The following DHCR24 variants were observed in gnomAD, a reference collection of about 807,000 sequenced individuals.
The protein encoded by DHCR24 is 24-dehydrocholesterol reductase.
Under a neutral mutation model 61.2 loss-of-function variants are expected in DHCR24, and 28 were observed. The ratio of observed to expected loss-of-function variants is 0.46; its 90% CI spans 0.34 to 0.63. DHCR24 has a LOEUF of 0.63. Among genes scored for constraint, DHCR24 ranks in the 20% least tolerant of loss-of-function variants. DHCR24 has a pLI of 0.01. For synonymous variants in DHCR24, 261 were observed against 275.9 expected (o/e 0.95, Z 0.54); for missense variants, 538 against 679.1 (o/e 0.79, Z 2.31).
chr1:54,886,862 G>T, intron 1 of DHCR24, 27 bp downstream of exon 1: 1 of 1,608,286 alleles, frequency 6.2e-7, no homozygotes, highest in Non-Finnish European at 8.5e-7. Flanking sequence ...CCGGCCCTGA[G>T]TCCCGGCCGC....
intron 5 of DHCR24, among the ~76,000 whole-genome samples, chr1:54,867,723 G>A (rs1182576855): frequency 6.6e-6 from 1 of 152,144 alleles, no homozygotes; most frequent in East Asian, 1.9e-4. Flanking sequence ...CAGCTGGAAA[G>A]CTCTGGTCTA....
intron 2 of DHCR24, among the ~76,000 whole-genome samples, chr1:54,880,779 T>TAAACAAACAAACAAACAAAC (rs34524631): frequency 1.3e-5 from 2 of 150,364 alleles, no homozygotes; most frequent in African/African-American, 4.9e-5. Flanking sequence ...AACAAAAATA[T>TAAACAAACAAACAAACAAAC]AAACAAACAA....
intron 6 of DHCR24, 97 bp from the exon 7 acceptor site, chr1:54,854,331 G>A: frequency 9.4e-7 from 1 of 1,064,572 alleles, no homozygotes; most frequent in African/African-American, 1.6e-5. Context: ...TTCTGTGCTT[G>A]ACAGAAGCAC....
intron 5 of DHCR24, among the ~76,000 whole-genome samples, chr1:54,870,442 G>A (rs534760877): frequency 6.6e-6 from 1 of 152,192 alleles, no homozygotes; most frequent in African/African-American, 2.4e-5. Flanking sequence ...CAGTATCCAT[G>A]GGGGATTTGT....
Position 54,879,352 on chromosome 1 carries a change from A to AAAAG in DHCR24, c.388-3306_388-3305insCTTT, listed in dbSNP as rs573285056. Among the ~76,000 whole-genome samples the AAAAG allele has an allele frequency of 2.0e-3, 259 of 128,192 alleles. 24 individuals are homozygous for AAAAG. Among genetic ancestry groups the AAAAG allele is most frequent in the African/African-American group, 7.3e-3 (235 of 32,260 alleles). 84.1% of individuals were successfully genotyped at this position (128,192 alleles called of 152,430 possible). On this transcript the variant is annotated intron_variant, in intron 2 of 8. Coordinates refer to ENST00000371269, the MANE Select transcript of DHCR24 (RefSeq NM_014762.4). Reference sequence around the variant, plus strand: ...AAAAAAAAAAAAAAAAAAAAAAAAAATCCAAATCAAACTTCTGGAAATGAA... The same window carrying AAAAG: ...AAAAAAAAAAAAAAAAAAAAAAAAAAAAAGTCCAAATCAAACTTCTGGAAATGAA...
chr1:54,863,846 C>T (rs72903513), intron 6 of DHCR24, among the ~76,000 whole-genome samples: 15,717 of 152,132 alleles, frequency 0.1, 1,075 homozygotes, highest in East Asian at 0.2. Flanking sequence ...ACTCTTACAT[C>T]TCAACAACAA....
chr1:54,853,302 G>T, intron 8 of DHCR24, 132 bp downstream of exon 8: 1 of 1,187,026 alleles, frequency 8.4e-7, no homozygotes, highest in Non-Finnish European at 1.2e-6. Context: ...GGCTGCCACA[G>T]CTGCAGGGGC....
chr1:54,852,718 C>T (rs1646883481), intron 8 of DHCR24, among the ~76,000 whole-genome samples: 1 of 152,110 alleles, frequency 6.6e-6, no homozygotes, highest in African/African-American at 2.4e-5. Context: ...CTGTTATTGA[C>T]TTTCAATAAA....
intron 8 of DHCR24, among the ~76,000 whole-genome samples, chr1:54,853,149 G>A (rs529037121): frequency 6.6e-6 from 1 of 151,538 alleles, no homozygotes; most frequent in East Asian, 2.0e-4. Flanking sequence ...GTGGGGAGGA[G>A]TGGGGTGACT....
intron 7 of DHCR24, 78 bp downstream of exon 7, chr1:54,853,959 G>T: frequency 6.9e-7 from 1 of 1,441,084 alleles, no homozygotes; most frequent in Non-Finnish European, 9.5e-7. Flanking sequence ...CCCAAGGTCG[G>T]TCACACGGTT....
intron 6 of DHCR24, among the ~76,000 whole-genome samples, chr1:54,856,658 T>G (rs1646909222): frequency 6.6e-6 from 1 of 152,214 alleles, no homozygotes; most frequent in Non-Finnish European, 1.5e-5. Flanking sequence ...GTGTCATAAT[T>G]TATTTAATCA....
intron 1 of DHCR24, among the ~76,000 whole-genome samples, chr1:54,886,010 C>T (rs1647092688): frequency 6.6e-6 from 1 of 152,214 alleles, no homozygotes; most frequent in Non-Finnish European, 1.5e-5. Flanking sequence ...CATCTTCATG[C>T]TCTTGCCTGA....
chr1:54,876,813 T>C (rs685004), intron 2 of DHCR24, among the ~76,000 whole-genome samples: 73,284 of 151,562 alleles, frequency 0.48, 19,258 homozygotes, highest in South Asian at 0.69. Context: ...GAAAGTTTAT[T>C]TTGCCAAGAT....
Position 54,879,873 on chromosome 1 carries a change from A to G in DHCR24, c.387+3745T>C, listed in dbSNP as rs145779684. 8.0e-3 allele frequency among the ~76,000 whole-genome samples: 1,219 copies of G among 152,290 alleles called. 8 individuals are homozygous for G. The highest frequency in any genetic ancestry group is 0.034 in the Middle Eastern group (10 of 294). Reference sequence around the variant, plus strand: ...TAAAACAGTGCTTAGGGGAAAATTTATAGCACTAAACATTTATATTAGAAA... The same window carrying G: ...TAAAACAGTGCTTAGGGGAAAATTTGTAGCACTAAACATTTATATTAGAAA... On this transcript the variant is annotated intron_variant, in intron 2 of 8. Coordinates refer to ENST00000371269, the MANE Select transcript of DHCR24 (RefSeq NM_014762.4).
rs7374 is a variant in DHCR24, at chr1:54,850,649, A to G, written c.*1584T>C. 0.39 allele frequency: 59,871 copies of G among 152,080 alleles called. 13,193 individuals carry two copies. The highest frequency in any genetic ancestry group is 0.59 in the East Asian group (3,052 of 5,168). The allele number at this position is 152,080 out of a possible 1,614,324, so 9.4% of individuals were successfully genotyped here. On this transcript the variant is annotated 3_prime_UTR_variant, in exon 9 of 9. Coordinates refer to ENST00000371269, the MANE Select transcript of DHCR24 (RefSeq NM_014762.4). ...CTTTCTGGAAATGAGATGGGAGCTG[A>G]CCTTGGGGTTGAAGGAAGGATCTTG...
At chr1:54,863,085 A>G (rs1646947866) in intron 6 of DHCR24, among the ~76,000 whole-genome samples, 1 of 128,838 alleles carries the variant, frequency 7.8e-6, no homozygotes. Context: ...AAAAAAAAAA[A>G]AAAAAAAAAA....
chr1:54,852,238 G>A lies in DHCR24; in HGVS notation c.1546C>T (p.His516Tyr), dbSNP rs752030219. 6.2e-7 allele frequency: 1 copy of A among 1,614,212 alleles called. No individual in the cohort carries two copies. The highest frequency in any genetic ancestry group is 8.5e-7 in the Non-Finnish European group (1 of 1,180,040). The change falls in exon 9 of 9, where the codon CAC becomes TAC. Residue 516 changes from histidine (H) to tyrosine (Y), a missense_variant. Transcript: ENST00000371269. ...CTCTCCAGGCGGGCTCCAGCTCAGT[G>A]CCTGGCGGCCTTGCAGATCTTGTCG... ...VYDKICKAAR[H>Y]
chr1:54,886,648 T>G, intron 1 of DHCR24: 4 of 1,462,132 alleles, frequency 2.7e-6, no homozygotes, highest in East Asian at 3.1e-5. Context: ...CCTCTTCCCC[T>G]TCTTCATCTC....
Position 54,851,961 on chromosome 1 carries a change from C to T in DHCR24, c.*272G>A. On this transcript the variant is annotated 3_prime_UTR_variant, in exon 9 of 9. Transcript: ENST00000371269. Reference sequence around the variant, plus strand: ...TTCAACTAATGAAGAGACCCGGGCTCAGAGGGGTTAAGGGACTCACCCAGA... The same window carrying T: ...TTCAACTAATGAAGAGACCCGGGCTTAGAGGGGTTAAGGGACTCACCCAGA... 4 of 520,640 alleles carry T rather than the reference C, an allele frequency of 7.7e-6. No individual in the cohort carries two copies. Among genetic ancestry groups the T allele is most frequent in the South Asian group, 6.4e-5 (3 of 47,144 alleles). 32.3% of individuals were successfully genotyped at this position (520,640 alleles called of 1,614,324 possible).
Sources: gnomAD v4.1 joint callset for allele counts (sites outside exome capture counted in the v4.1 genomes callset) on GRCh38, gnomAD v4.1.1 for gene constraint, MANE v1.5 for transcripts, NCBI Gene and HGNC (gene_info 2026-07-23, HGNC 2026-07-21) for gene names.